The following METAP1 variants were observed in gnomAD, a reference collection of about 807,000 sequenced individuals.
METAP1 encodes methionyl aminopeptidase 1.
Under a neutral mutation model 53.8 loss-of-function variants are expected in METAP1, and 28 were observed. The observed-to-expected ratio is 0.52, with a 90% confidence interval of 0.39 to 0.71. The LOEUF is 0.71. Among genes scored for constraint, METAP1 ranks in the 30% least tolerant of loss-of-function variants. The pLI is 0.00. For missense variants in METAP1, 389 were observed against 479.8 expected (o/e 0.81, Z 1.77); for synonymous variants, 181 against 165.7 (o/e 1.09, Z -0.71).
chr4:99,014,350 C>T (rs750742697), intron 1 of METAP1, among the ~76,000 whole-genome samples: 1 of 152,214 alleles, frequency 6.6e-6, no homozygotes, highest in Non-Finnish European at 1.5e-5. Flanking sequence ...GCAAACACCA[C>T]CTTTCTCAGC....
At chr4:99,040,994 T>G in intron 5 of METAP1, 49 bp from the exon 6 acceptor site, 3 of 1,326,374 alleles carry the variant, frequency 2.3e-6, no homozygotes, top group Non-Finnish European at 3.2e-6. Flanking sequence ...AGGGTATAGA[T>G]TTCTGTTTCT....
chr4:99,023,852 A>G (rs1724327351), intron 1 of METAP1: 1 of 876,650 alleles, frequency 1.1e-6, no homozygotes, highest in African/African-American at 1.8e-5. Context: ...TTATCAAGAC[A>G]AGGGAATTGC....
Position 98,995,800 on chromosome 4 carries a change from G to C in METAP1, c.47G>C (p.Ser16Thr). 1 of 1,546,820 alleles carries C rather than the reference G, an allele frequency of 6.5e-7. No individual in the cohort carries two copies. The highest frequency in any genetic ancestry group is 8.7e-7 in the Non-Finnish European group (1 of 1,144,814). The stretch of plus-strand genomic sequence containing the variant: ...GTGTGCGAGACAGACGGCTGCAGCA[G>C]TGAGGCCAAGCTCCAGTGTCCCACT... ...TRVCETDGCS[S>T]EAKLQCPTCI... Residue 16 changes from serine (S) to threonine (T), a missense_variant, in exon 1 of 11, where the codon AGT (serine) becomes ACT (threonine). By Grantham distance (58) the Ser-to-Thr change is moderately conservative. Transcript: ENST00000296411.
At chr4:99,033,179 G>A (rs1004910187) in intron 2 of METAP1, among the ~76,000 whole-genome samples, 1 of 151,140 alleles carries the variant, frequency 6.6e-6, no homozygotes. Context: ...TCCTCTCTAA[G>A]TTTAACATTT....
chr4:99,057,735 T>G lies in METAP1; in HGVS notation c.932-18T>G, dbSNP rs1414873354. 3 of 1,566,190 alleles carry G rather than the reference T, an allele frequency of 1.9e-6. No individual in the cohort carries two copies. The highest frequency in any genetic ancestry group is 2.6e-6 in the Non-Finnish European group (3 of 1,154,508). On this transcript the variant is annotated intron_variant, in intron 9 of 10. Transcript: ENST00000296411. ...TGTTGGTTTTGCTACCTTTTGAGAT[T>G]TTTTTCTTTGATTTCAGAAAATAAA...
At chr4:99,019,109 T>C (rs114834596) in intron 1 of METAP1, among the ~76,000 whole-genome samples, 1 of 152,208 alleles carries the variant, frequency 6.6e-6, no homozygotes, top group Non-Finnish European at 1.5e-5. Context: ...AGCTGCCTCA[T>C]TTTTGTATCT....
chr4:99,024,165 T>C (rs1724371067), intron 1 of METAP1, among the ~76,000 whole-genome samples: 2 of 152,210 alleles, frequency 1.3e-5, no homozygotes, highest in African/African-American at 4.8e-5. Flanking sequence ...ATCCCTGTCC[T>C]GTTCTGTTGT....
At chr4:99,021,498 A>G (rs7676259) in intron 1 of METAP1, among the ~76,000 whole-genome samples, 94,099 of 151,832 alleles carry the variant, frequency 0.62, 30,141 homozygotes, top group African/African-American at 0.74. Flanking sequence ...TCCCCATACG[A>G]GCCACAAAAT....
At chr4:99,032,897 A>G (rs1725147128) in intron 2 of METAP1, among the ~76,000 whole-genome samples, 1 of 152,176 alleles carries the variant, frequency 6.6e-6, no homozygotes, top group African/African-American at 2.4e-5. Context: ...TCCAGAGGGG[A>G]GAAAGATATT....
intron 1 of METAP1, among the ~76,000 whole-genome samples, chr4:99,016,276 G>A (rs1023251896): frequency 3.9e-5 from 6 of 152,168 alleles, no homozygotes; most frequent in African/African-American, 1.4e-4. Flanking sequence ...TTTCATAGGG[G>A]GATGAACCTG....
intron 8 of METAP1, among the ~76,000 whole-genome samples, chr4:99,046,936 CA>C (rs56702946): frequency 0.052 from 4,262 of 82,156 alleles, 80 homozygotes; most frequent in African/African-American, 0.13. Context: ...ACTGAAGAAA[CA>C]AAAAAAAAAA....
At chr4:99,002,605 G>C (rs1722975364) in intron 1 of METAP1, among the ~76,000 whole-genome samples, 1 of 152,018 alleles carries the variant, frequency 6.6e-6, no homozygotes, top group Non-Finnish European at 1.5e-5. Context: ...TGTGTGTGTG[G>C]GGCACCTTAT....
intron 1 of METAP1, among the ~76,000 whole-genome samples, chr4:99,027,027 T>C (rs1441691077): frequency 2.0e-5 from 3 of 152,314 alleles, no homozygotes; most frequent in Non-Finnish European, 4.4e-5. Flanking sequence ...ATTTGATGAA[T>C]GTTTCATGAA....
rs190577937 is a variant in METAP1 at position 99,024,455 on chromosome 4, G to T, written c.115-4412G>T. Among the ~76,000 whole-genome samples the T allele has an allele frequency of 5.3e-3, 806 of 152,296 alleles. 1 individual carries two copies. The highest frequency in any genetic ancestry group is 7.7e-3 in the Non-Finnish European group (521 of 68,034). Reference sequence around the variant, plus strand: ...GGATAATTTGGTTGGGGGGTGGGCAGTGAGTTGGGAGTACTGATTGGTTGG... The same window carrying T: ...GGATAATTTGGTTGGGGGGTGGGCATTGAGTTGGGAGTACTGATTGGTTGG... On this transcript the variant is annotated intron_variant, in intron 1 of 10. Transcript: ENST00000296411.
chr4:99,023,121 T>G (rs1724266968), intron 1 of METAP1: 1 of 953,704 alleles, frequency 1.0e-6, no homozygotes, highest in African/African-American at 1.6e-5. Context: ...CTCCGATTCC[T>G]CTGCCTCCGT....
At chr4:99,057,866 T>C (rs1236437965) in intron 10 of METAP1, 48 bp downstream of exon 10, 1 of 1,478,834 alleles carries the variant, frequency 6.8e-7, no homozygotes, top group South Asian at 1.2e-5. Context: ...TTTATATGTA[T>C]TTTAGGTAAT....
At chr4:99,010,727 G>C (rs984321528) in intron 1 of METAP1, among the ~76,000 whole-genome samples, 1 of 152,110 alleles carries the variant, frequency 6.6e-6, no homozygotes, top group Non-Finnish European at 1.5e-5. Flanking sequence ...GATTTGGTGA[G>C]GATTGCATTG....
chr4:99,039,451 C>T lies in METAP1; in HGVS notation c.418C>T (p.Arg140Ter), dbSNP rs778153414. ...LLSSEDIEGM[R>*]LVCRLAREVL... is the part of the protein sequence containing the mutation. Reference sequence around the variant, plus strand: ...CTCATCTGAAGATATAGAAGGGATGCGACTTGTATGTAGGGTAAGAGTGAT... The same window carrying T: ...CTCATCTGAAGATATAGAAGGGATGTGACTTGTATGTAGGGTAAGAGTGAT... Residue 140 changes from arginine to a stop codon, truncating the protein, a stop_gained, in exon 5 of 11, where the codon CGA becomes TGA. Coordinates refer to ENST00000296411, the MANE Select transcript of METAP1 (RefSeq NM_015143.3). LOFTEE classifies it high-confidence loss of function. 9 of 1,600,964 alleles carry T rather than the reference C, an allele frequency of 5.6e-6. No individual in the cohort carries two copies. Among genetic ancestry groups the T allele is most frequent in the Non-Finnish European group, 6.8e-6 (8 of 1,169,006 alleles).
chr4:99,031,765 T>C, intron 2 of METAP1: 1 of 464,700 alleles, frequency 2.2e-6, no homozygotes, highest in Non-Finnish European at 3.9e-6. Context: ...AGTTATTTTG[T>C]GTCAGCTGAC....
Sources: gnomAD v4.1 joint callset for allele counts (sites outside exome capture counted in the v4.1 genomes callset) on GRCh38, gnomAD v4.1.1 for gene constraint, MANE v1.5 for transcripts, NCBI Gene and HGNC (gene_info 2026-07-23, HGNC 2026-07-21) for gene names.